The following TWSG1 variants were observed in gnomAD, a reference collection of about 807,000 sequenced individuals.
The protein encoded by TWSG1 is twisted gastrulation protein homolog 1.
TWSG1 carries 15 observed loss-of-function variants against 23.0 expected under a neutral mutation model. The ratio of observed to expected loss-of-function variants is 0.65; its 90% CI spans 0.44 to 1.00. TWSG1 has a LOEUF of 1.00. TWSG1 is among the 50% of genes least tolerant of loss of function. The probability of loss-of-function intolerance (pLI) is 0.00; values close to 1 mark genes in which losing one functional copy is unlikely to be tolerated. For synonymous variants in TWSG1, 86 were observed against 92.8 expected, an observed-to-expected ratio of 0.93 and a Z score of 0.42; for missense variants, 242 against 278.7, an observed-to-expected ratio of 0.87 and a Z score of 0.94.
chr18:9,366,188 C>T (rs1169299776), intron 3 of TWSG1, among the ~76,000 whole-genome samples: 1 of 152,126 alleles, frequency 6.6e-6, no homozygotes, highest in African/African-American at 2.4e-5. Context: ...ATTTGCTATA[C>T]TTAATAAATT....
At chr18:9,336,829 A>G (rs533220397) in intron 1 of TWSG1, among the ~76,000 whole-genome samples, 13 of 152,234 alleles carry the variant, frequency 8.5e-5, no homozygotes, top group South Asian at 2.1e-4. Flanking sequence ...GAAGATGGCT[A>G]TGAAGCCATT....
chr18:9,370,456 A>T (rs2040599818), intron 3 of TWSG1, among the ~76,000 whole-genome samples: 1 of 152,220 alleles, frequency 6.6e-6, no homozygotes, highest in South Asian at 2.1e-4. Context: ...CACTGAACAC[A>T]TATACCAGAA....
chr18:9,365,253 T>C (rs2040572486), intron 3 of TWSG1, among the ~76,000 whole-genome samples: 1 of 151,972 alleles, frequency 6.6e-6, no homozygotes, highest in African/African-American at 2.4e-5. Context: ...ACTCAGGAGG[T>C]CAAGGCTGCA....
In TWSG1 at chr18:9,339,748, A is replaced by G. The variant is rs1052219478; in HGVS notation, c.123+2396A>G. Among the ~76,000 whole-genome samples the G allele has an allele frequency of 3.9e-5, 6 of 152,206 alleles. No homozygotes were observed. The South Asian group carries it at 1.0e-3, about 26-fold the overall frequency. On this transcript the variant is annotated intron_variant, in intron 2 of 4. Transcript: ENST00000262120. ...AACCCAGGAGGCGGAGGTTGCAGTG[A>G]GCTGAGATCGTGCGACTGCACTCCC...
chr18:9,394,068 A>T (rs1289155017), intron 3 of TWSG1, among the ~76,000 whole-genome samples: 1 of 152,230 alleles, frequency 6.6e-6, no homozygotes, highest in African/African-American at 2.4e-5. Context: ...TGCTAAGGAA[A>T]GGAAATCAGT....
intron 3 of TWSG1, among the ~76,000 whole-genome samples, chr18:9,393,133 GC>G (rs1718816647): frequency 6.6e-6 from 1 of 152,210 alleles, no homozygotes; most frequent in African/African-American, 2.4e-5. Flanking sequence ...TGGGAAAATG[GC>G]ACTGATAGAC....
chr18:9,377,564 C>T (rs942059483), intron 3 of TWSG1, among the ~76,000 whole-genome samples: 2 of 151,860 alleles, frequency 1.3e-5, no homozygotes, highest in Admixed American at 6.6e-5. Flanking sequence ...ACTGGCCATC[C>T]ATCTGCAAAA....
rs756535502 is a variant in TWSG1, at chr18:9,344,531, A to ATGTTTTT, written c.123+7180_123+7181insGTTTTTT. 9.8e-5 allele frequency among the ~76,000 whole-genome samples: 10 copies of ATGTTTTT among 102,094 alleles called. No individual in the cohort carries two copies. In the South Asian group the frequency reaches 1.1e-3, roughly 11 times the overall value. The allele number at this position is 102,094 out of a possible 152,430, so 67.0% of individuals were successfully genotyped here. On this transcript the variant is annotated intron_variant, in intron 2 of 4. Coordinates refer to ENST00000262120, the MANE Select transcript of TWSG1 (RefSeq NM_020648.6). ...TGTGTGTGTGTGTGTGTATGTATGT[A>ATGTTTTT]TTTTTTTTTTTTTTTGAGAGAGGAT...
Position 9,396,154 on chromosome 18 carries a change from A to C in TWSG1, c.224-126A>C, listed in dbSNP as rs979456631. On this transcript the variant is annotated intron_variant, in intron 3 of 4. Transcript: ENST00000262120. ...TCATTTAGGCTCACCCAGCAAAAAA[A>C]AAAAAAAAAAAAAAAGGTAGGAAAA... 3 of 746,330 alleles carry C rather than the reference A, an allele frequency of 4.0e-6. No individual in the cohort carries two copies. In the South Asian group the frequency reaches 6.7e-5, roughly 17 times the overall value. The allele number at this position is 746,330 out of a possible 1,614,324, so 46.2% of individuals were successfully genotyped here.
chr18:9,367,636 C>T (rs190230123), intron 3 of TWSG1, among the ~76,000 whole-genome samples: 8 of 152,236 alleles, frequency 5.3e-5, no homozygotes, highest in East Asian at 1.9e-4. Flanking sequence ...GTCAGGTCAG[C>T]GGCAGTATTG....
chr18:9,388,617 G>A (rs1019680519), intron 3 of TWSG1, among the ~76,000 whole-genome samples: 2 of 152,212 alleles, frequency 1.3e-5, no homozygotes, highest in Admixed American at 6.5e-5. Context: ...GCAGTATATT[G>A]AGATTTAATT....
intron 3 of TWSG1, among the ~76,000 whole-genome samples, chr18:9,372,045 G>A (rs569221292): frequency 6.6e-6 from 1 of 152,134 alleles, no homozygotes; most frequent in South Asian, 2.1e-4. Context: ...GATTACAGCC[G>A]TGAGCCATCG....
At chr18:9,377,694 G>C (rs1009223308) in intron 3 of TWSG1, among the ~76,000 whole-genome samples, 2 of 152,044 alleles carry the variant, frequency 1.3e-5, no homozygotes, top group Non-Finnish European at 2.9e-5. Context: ...AAATCTAAAT[G>C]ACCTTGGATT....
chr18:9,375,782 G>T (rs1012241298), intron 3 of TWSG1, among the ~76,000 whole-genome samples: 1 of 152,058 alleles, frequency 6.6e-6, no homozygotes, highest in Non-Finnish European at 1.5e-5. Context: ...CAAAATATGC[G>T]CAAGGTCTGT....
At chr18:9,383,191 T>TTTG (rs2040666962) in intron 3 of TWSG1, among the ~76,000 whole-genome samples, 2 of 32,768 alleles carry the variant, frequency 6.1e-5, no homozygotes, top group African/African-American at 2.5e-4. Context: ...ACGTTTTTTT[T>TTTG]TTGTTTTTTT....
At chr18:9,372,255 T>C (rs2040609311) in intron 3 of TWSG1, among the ~76,000 whole-genome samples, 1 of 151,562 alleles carries the variant, frequency 6.6e-6, no homozygotes, top group Admixed American at 6.6e-5. Context: ...TACCAAACCT[T>C]ATAAATACTA....
chr18:9,358,315 A>G (rs1202260756), intron 2 of TWSG1, among the ~76,000 whole-genome samples: 2 of 152,178 alleles, frequency 1.3e-5, no homozygotes, highest in African/African-American at 4.8e-5. Flanking sequence ...ATGATCCCCT[A>G]GTTCAAATTC....
chr18:9,336,307 G>T (rs1184798332), intron 1 of TWSG1, among the ~76,000 whole-genome samples: 1 of 151,856 alleles, frequency 6.6e-6, no homozygotes, highest in African/African-American at 2.4e-5. Context: ...CAGGAGAATC[G>T]CATGAACCCG....
chr18:9,376,398 TACAGTAA>T (rs1251343339), intron 3 of TWSG1, among the ~76,000 whole-genome samples: 18 of 152,244 alleles, frequency 1.2e-4, no homozygotes, highest in South Asian at 4.1e-4. Flanking sequence ...ACTATAAAGC[TACAGTAA>T]TCAAGACAGT....
Sources: gnomAD v4.1 joint callset for allele counts (sites outside exome capture counted in the v4.1 genomes callset) on GRCh38, gnomAD v4.1.1 for gene constraint, MANE v1.5 for transcripts, NCBI Gene and HGNC (gene_info 2026-07-23, HGNC 2026-07-21) for gene names.